Variants in DPP10 observed in about 807,000 individuals in gnomAD.
DPP10 encodes inactive dipeptidyl peptidase 10.
Under a neutral mutation model 120.9 loss-of-function variants are expected in DPP10, and 33 were observed. That is an observed-to-expected ratio of 0.27 (90% CI 0.21 to 0.37). The LOEUF (loss-of-function observed/expected upper bound fraction) is 0.37, where lower values mean the gene tolerates loss of function less well. DPP10 is among the 10% of genes least tolerant of loss of function. DPP10 has a pLI of 1.00. For synonymous variants in DPP10, 337 were observed against 326.1 expected (o/e 1.03, Z -0.36); for missense variants, 816 against 942.8 (o/e 0.87, Z 1.76).
In DPP10 at chr2:115,353,963, A is replaced by G. The variant is rs369774250; in HGVS notation, c.271+10051A>G. On this transcript the variant is annotated intron_variant, in intron 3 of 25. Transcript: ENST00000410059. ...GAAAACAATATTAAAGGAAAAGTAG[A>G]TAAGAATAAGGAAAGATTTTCTTTG... Among the ~76,000 whole-genome samples the G allele has an allele frequency of 1.7e-4, 26 of 152,306 alleles. No homozygotes were observed. In the East Asian group the frequency reaches 4.8e-3, roughly 28 times the overall value.
intron 1 of DPP10, among the ~76,000 whole-genome samples, chr2:115,152,814 C>T (rs1346268370): frequency 6.6e-6 from 1 of 152,174 alleles, no homozygotes; most frequent in Non-Finnish European, 1.5e-5. Context: ...AACAACGAAA[C>T]AGCTGAGATT....
At chr2:115,732,075 G>A (rs1357039626) in intron 8 of DPP10, among the ~76,000 whole-genome samples, 5 of 152,032 alleles carry the variant, frequency 3.3e-5, no homozygotes, top group South Asian at 2.1e-4. Context: ...TAATTTCAAC[G>A]TTATGTGTGT....
At chr2:115,645,586 G>C (rs1356985983) in intron 5 of DPP10, among the ~76,000 whole-genome samples, 1 of 152,118 alleles carries the variant, frequency 6.6e-6, no homozygotes, top group East Asian at 1.9e-4. Flanking sequence ...TGAGGAAAAT[G>C]AAACTCCCCC....
At chr2:115,199,452 A>T (rs2055530996) in intron 1 of DPP10, among the ~76,000 whole-genome samples, 1 of 152,100 alleles carries the variant, frequency 6.6e-6, no homozygotes, top group Non-Finnish European at 1.5e-5. Context: ...TTAAGTTGTT[A>T]TCATCTGACT....
intron 1 of DPP10, among the ~76,000 whole-genome samples, chr2:115,294,782 A>G (rs536835040): frequency 3.3e-5 from 5 of 152,088 alleles, no homozygotes; most frequent in African/African-American, 1.2e-4. Flanking sequence ...AATAAGTATC[A>G]CTACAAAATG....
rs147414202 is a variant in DPP10 at position 115,587,007 on chromosome 2, G to T, written c.441+61035G>T. On this transcript the variant is annotated intron_variant, in intron 5 of 25. Transcript: ENST00000410059. ...TCACTAGCAGCCATGCTGCACATTA[G>T]ACCTCCAGGACTTGTTTTATAACTG... Among the ~76,000 whole-genome samples the T allele has an allele frequency of 1.2e-3, 174 of 151,196 alleles. 3 individuals carry two copies. The highest frequency in any genetic ancestry group is 3.7e-3 in the African/African-American group (152 of 41,188).
Position 114,968,449 on chromosome 2 carries a change from G to A in DPP10, c.61-340790G>A, listed in dbSNP as rs1010378589. 1.1e-4 allele frequency among the ~76,000 whole-genome samples: 16 copies of A among 152,146 alleles called. 1 individual carries two copies. The highest frequency in any genetic ancestry group is 2.4e-4 in the Non-Finnish European group (16 of 68,026). Reference sequence around the variant, plus strand: ...TAAACAGAAAGCTCCTTGATGGTAAGTATATTTTTCTTTTATCTTTGATGT... The same window carrying A: ...TAAACAGAAAGCTCCTTGATGGTAAATATATTTTTCTTTTATCTTTGATGT... On this transcript the variant is annotated intron_variant, in intron 1 of 25. Transcript: ENST00000410059.
chr2:115,748,467 T>C (rs577586359), intron 10 of DPP10, among the ~76,000 whole-genome samples: 4 of 152,194 alleles, frequency 2.6e-5, no homozygotes, highest in African/African-American at 9.6e-5. Context: ...TGAATACATA[T>C]ATGATTATGT....
At chr2:115,183,709 G>T (rs1023197396) in intron 1 of DPP10, among the ~76,000 whole-genome samples, 1 of 152,168 alleles carries the variant, frequency 6.6e-6, no homozygotes, top group Non-Finnish European at 1.5e-5. Flanking sequence ...AAGTCAGAGT[G>T]ATCTCAGATT....
chr2:115,601,938 C>T (rs2083350286), intron 5 of DPP10, among the ~76,000 whole-genome samples: 1 of 152,016 alleles, frequency 6.6e-6, no homozygotes, highest in South Asian at 2.1e-4. Flanking sequence ...GCCTTGGCCT[C>T]CCAAAGTGCT....
intron 1 of DPP10, among the ~76,000 whole-genome samples, chr2:115,164,719 C>A (rs2052701248): frequency 6.6e-6 from 1 of 152,134 alleles, no homozygotes; most frequent in African/African-American, 2.4e-5. Flanking sequence ...TGGTTATGAA[C>A]CATATAATTT....
chr2:114,979,061 T>G (rs1168404604), intron 1 of DPP10, among the ~76,000 whole-genome samples: 1 of 152,076 alleles, frequency 6.6e-6, no homozygotes, highest in Non-Finnish European at 1.5e-5. Flanking sequence ...CACTGAGCAA[T>G]CTCACCATAT....
intron 1 of DPP10, among the ~76,000 whole-genome samples, chr2:114,920,263 C>A (rs1184223091): frequency 6.6e-5 from 10 of 152,048 alleles, no homozygotes; most frequent in Admixed American, 6.6e-4. Context: ...GGGGTGCTGA[C>A]CAGATGGAAT....
At chr2:115,433,927 G>C (rs2071239064) in intron 3 of DPP10, among the ~76,000 whole-genome samples, 1 of 151,774 alleles carries the variant, frequency 6.6e-6, no homozygotes, top group African/African-American at 2.4e-5. Flanking sequence ...TACACTTCTG[G>C]AGACTTGAAT....
chr2:115,548,559 T>G (rs996733082), intron 5 of DPP10, among the ~76,000 whole-genome samples: 1 of 152,090 alleles, frequency 6.6e-6, no homozygotes, highest in African/African-American at 2.4e-5. Flanking sequence ...AGGCTTTAGC[T>G]ATATTATCAA....
At chr2:115,020,098 GA>G (rs1346183614) in intron 1 of DPP10, among the ~76,000 whole-genome samples, 2 of 151,514 alleles carry the variant, frequency 1.3e-5, no homozygotes, top group Admixed American at 6.6e-5. Flanking sequence ...TAACACAGTA[GA>G]AAAAAAACCC....
chr2:115,474,070 C>A (rs2074912449), intron 3 of DPP10, among the ~76,000 whole-genome samples: 1 of 152,150 alleles, frequency 6.6e-6, no homozygotes, highest in African/African-American at 2.4e-5. Flanking sequence ...ATGACTCAAT[C>A]CTGTCAATAT....
intron 1 of DPP10, among the ~76,000 whole-genome samples, chr2:114,667,403 T>G (rs951632413): frequency 3.3e-5 from 5 of 152,226 alleles, no homozygotes; most frequent in Non-Finnish European, 2.9e-5. Flanking sequence ...GATAAGCTCC[T>G]TCTTCTAACA....
intron 1 of DPP10, among the ~76,000 whole-genome samples, chr2:114,817,064 G>A (rs916093201): frequency 7.2e-5 from 11 of 152,154 alleles, no homozygotes; most frequent in Admixed American, 5.9e-4. Context: ...CTGTATGCTT[G>A]GAAATGGTTT....
Sources: allele counts gnomAD v4.1 joint callset (sites outside exome capture counted in the v4.1 genomes callset), GRCh38; gene constraint gnomAD v4.1.1; transcripts MANE v1.5; gene names NCBI Gene and HGNC (gene_info 2026-07-23, HGNC 2026-07-21).